MACROD2: variants seen among roughly 807,000 people sequenced by gnomAD.
MACROD2 encodes mono-ADP ribosylhydrolase 2, also known as ADP-ribose glycohydrolase MACROD2.
In MACROD2, 36 loss-of-function variants were observed where a neutral mutation model predicts 70.4. The observed-to-expected ratio is 0.51, with a 90% CI of 0.39 to 0.68. MACROD2 has a LOEUF of 0.68. MACROD2 is among the 30% of genes least tolerant of loss of function. The pLI, the probability that MACROD2 is intolerant of heterozygous loss-of-function variation, is 0.00. For missense variants in MACROD2, 496 were observed against 538.4 expected (o/e 0.92, Z 0.78); for synonymous variants, 172 against 178.8 (o/e 0.96, Z 0.30).
intron 8 of MACROD2, among the ~76,000 whole-genome samples, chr20:15,538,079 C>A (rs1229752239): frequency 6.6e-6 from 1 of 152,058 alleles, no homozygotes; most frequent in Admixed American, 6.6e-5. Context: ...GTTTGGAGGT[C>A]AAATTGGGGA....
chr20:14,260,861 G>A (rs1178059398), intron 3 of MACROD2, among the ~76,000 whole-genome samples: 3 of 152,184 alleles, frequency 2.0e-5, no homozygotes, highest in African/African-American at 7.2e-5. Context: ...AACAAACACT[G>A]ATGGTTACAC....
At chr20:14,409,031 C>T (rs978909339) in intron 3 of MACROD2, among the ~76,000 whole-genome samples, 1 of 152,084 alleles carries the variant, frequency 6.6e-6, no homozygotes, top group Non-Finnish European at 1.5e-5. Context: ...GAGCTTAGTC[C>T]TGCTGGTACC....
At chr20:15,769,116 C>T (rs987860355) in intron 8 of MACROD2, among the ~76,000 whole-genome samples, 1 of 152,116 alleles carries the variant, frequency 6.6e-6, no homozygotes, top group African/African-American at 2.4e-5. Context: ...AATGCATAAA[C>T]CAGTAATGCA....
intron 2 of MACROD2, among the ~76,000 whole-genome samples, chr20:14,045,253 G>T (rs1326707905): frequency 6.6e-6 from 1 of 152,236 alleles, no homozygotes; most frequent in African/African-American, 2.4e-5. Context: ...TGGGCTGAAG[G>T]GCCCCTCAAG....
At chr20:14,392,335 A>T (rs569866450) in intron 3 of MACROD2, among the ~76,000 whole-genome samples, 2 of 151,964 alleles carry the variant, frequency 1.3e-5, no homozygotes, top group South Asian at 2.1e-4. Context: ...CACATATTAC[A>T]TACATAATAT....
chr20:14,854,213 G>A (rs1450175289), intron 5 of MACROD2, among the ~76,000 whole-genome samples: 1 of 152,142 alleles, frequency 6.6e-6, no homozygotes, highest in African/African-American at 2.4e-5. Context: ...GGTCAGATAA[G>A]TAGGATTCCC....
rs66918191 is a variant in MACROD2, at chr20:14,082,177, C to CTTTTTTTTTTTT, written c.164-3436_164-3425dup. Reference sequence around the variant, plus strand: ...TTTTCCCATACCTTTCTTTTTTTTTCTTTTTTTTTTTTTTTTTTTGAGATG... The same window carrying CTTTTTTTTTTTT: ...TTTTCCCATACCTTTCTTTTTTTTTCTTTTTTTTTTTTTTTTTTTTTTTTTTTTTTTGAGATG... On this transcript the variant is annotated intron_variant, in intron 2 of 17. Coordinates refer to ENST00000684519, the MANE Select transcript of MACROD2 (RefSeq NM_001351661.2). 9.3e-3 allele frequency among the ~76,000 whole-genome samples: 862 copies of CTTTTTTTTTTTT among 93,082 alleles called. 3 individuals carry two copies. Among genetic ancestry groups the CTTTTTTTTTTTT allele is most frequent in the Non-Finnish European group, 0.01 (544 of 52,718 alleles). 61.1% of individuals were successfully genotyped at this position (93,082 alleles called of 152,430 possible).
At chr20:14,759,130 G>C (rs974321015) in intron 5 of MACROD2, among the ~76,000 whole-genome samples, 2 of 151,922 alleles carry the variant, frequency 1.3e-5, no homozygotes, top group East Asian at 1.9e-4. Context: ...TGCTTTTCTG[G>C]CTCATTGTAA....
intron 3 of MACROD2, among the ~76,000 whole-genome samples, chr20:14,457,500 C>T (rs1278769750): frequency 6.6e-6 from 1 of 152,124 alleles, no homozygotes; most frequent in East Asian, 1.9e-4. Context: ...TTTTACAACT[C>T]TGCTATTTAG....
intron 3 of MACROD2, among the ~76,000 whole-genome samples, chr20:14,476,577 G>A (rs1185965938): frequency 3.3e-5 from 5 of 152,020 alleles, no homozygotes; most frequent in South Asian, 2.1e-4. Context: ...GGCTGGTCTC[G>A]AACTCCTGGC....
At chr20:14,582,314 T>C (rs1257060404) in intron 4 of MACROD2, among the ~76,000 whole-genome samples, 1 of 152,134 alleles carries the variant, frequency 6.6e-6, no homozygotes, top group Non-Finnish European at 1.5e-5. Context: ...AGGGACACTT[T>C]ACTCACAAAT....
rs531198299 is a variant in MACROD2 at position 15,334,015 on chromosome 20, G to A, written c.541-97390G>A. Among the ~76,000 whole-genome samples, 3 of 151,708 alleles carry A rather than the reference G, an allele frequency of 2.0e-5. No homozygotes were observed. The East Asian group carries it at 5.8e-4, about 29-fold the overall frequency. ...AAATAAAATGCTCTGTTATTACAAA[G>A]CTATTGTAGGTCCTCAGTTATCATT... is the stretch of plus-strand genomic sequence containing the variant. On this transcript the variant is annotated intron_variant, in intron 6 of 17. Transcript: ENST00000684519.
chr20:15,207,446 T>TTG (rs2076720683), intron 5 of MACROD2, among the ~76,000 whole-genome samples: 1 of 136,292 alleles, frequency 7.3e-6, no homozygotes, highest in South Asian at 2.5e-4. Flanking sequence ...GTTTTTTTTT[T>TTG]TTTTTTTTTT....
chr20:15,327,285 G>C (rs1166568440), intron 6 of MACROD2, among the ~76,000 whole-genome samples: 1 of 152,134 alleles, frequency 6.6e-6, no homozygotes, highest in African/African-American at 2.4e-5. Context: ...TCTGGGTACA[G>C]GGATTGCACC....
intron 5 of MACROD2, among the ~76,000 whole-genome samples, chr20:15,193,340 A>G (rs2076584163): frequency 6.6e-6 from 1 of 152,148 alleles, no homozygotes; most frequent in African/African-American, 2.4e-5. Flanking sequence ...TATAGTATCA[A>G]GACAGACTTC....
At chr20:15,038,172 T>A (rs1327786095) in intron 5 of MACROD2, among the ~76,000 whole-genome samples, 1 of 152,228 alleles carries the variant, frequency 6.6e-6, no homozygotes, top group African/African-American at 2.4e-5. Flanking sequence ...TAAGAAATAA[T>A]CATATAGTTC....
intron 5 of MACROD2, among the ~76,000 whole-genome samples, chr20:15,067,364 T>A (rs1343780048): frequency 6.6e-6 from 1 of 152,202 alleles, no homozygotes; most frequent in Non-Finnish European, 1.5e-5. Context: ...GTTTGTTTGT[T>A]TTTGAGATGG....
rs1555858324 is a variant in MACROD2, at chr20:15,672,367, A to ACACACACACG, written c.645+172529_645+172530insGCACACACAC. On this transcript the variant is annotated intron_variant, in intron 8 of 17. Transcript: ENST00000684519. ...CTATTTTACACACACACACACACAC[A>ACACACACACG]CACACACACACACACACACGTAGAG... Among the ~76,000 whole-genome samples the ACACACACACG allele has an allele frequency of 7.9e-5, 12 of 151,628 alleles. No homozygotes were observed. In the East Asian group the frequency reaches 1.4e-3, roughly 17 times the overall value.
chr20:14,788,763 G>T (rs1234701178), intron 5 of MACROD2, among the ~76,000 whole-genome samples: 21 of 79,486 alleles, frequency 2.6e-4, no homozygotes, highest in South Asian at 1.6e-3. Context: ...TAGTGGTGGT[G>T]TTTTTTTTTT....
Sources: gnomAD v4.1 joint callset for allele counts (sites outside exome capture counted in the v4.1 genomes callset) on GRCh38, gnomAD v4.1.1 for gene constraint, MANE v1.5 for transcripts, NCBI Gene and HGNC (gene_info 2026-07-23, HGNC 2026-07-21) for gene names.